The following KLF12 variants were observed in gnomAD, a reference collection of about 807,000 sequenced individuals.
KLF12 encodes the protein KLF transcription factor 12.
KLF12 carries 9 observed loss-of-function variants against 37.8 expected under a neutral mutation model. The ratio of observed to expected loss-of-function variants is 0.24; its 90% CI spans 0.14 to 0.42. The LOEUF (loss-of-function observed/expected upper bound fraction) is 0.42, where lower values mean the gene tolerates loss of function less well. Ranked by LOEUF, KLF12 falls within the 10% of genes least tolerant of loss-of-function variation. The pLI, the probability that KLF12 is intolerant of heterozygous loss-of-function variation, is 1.00. For missense variants in KLF12, 411 were observed against 516.0 expected, an observed-to-expected ratio of 0.80 and a Z score of 1.97; for synonymous variants, 208 against 202.1, an observed-to-expected ratio of 1.03 and a Z score of -0.25.
chr13:74,014,349 G>A (rs571992545), intron 1 of KLF12, among the ~76,000 whole-genome samples: 3 of 152,214 alleles, frequency 2.0e-5, no homozygotes, highest in African/African-American at 7.2e-5. Flanking sequence ...TACTGGTAAC[G>A]AATAAAACAT....
intron 6 of KLF12, among the ~76,000 whole-genome samples, chr13:73,726,033 T>C (rs1876641120): frequency 6.6e-6 from 1 of 152,002 alleles, no homozygotes; most frequent in South Asian, 2.1e-4. Context: ...CATGCCCAGC[T>C]AATTTTGTAT....
At chr13:74,040,401 C>A (rs894669761) in intron 1 of KLF12, among the ~76,000 whole-genome samples, 1 of 152,150 alleles carries the variant, frequency 6.6e-6, no homozygotes, top group Non-Finnish European at 1.5e-5. Context: ...CCACTCCTGA[C>A]GACTGACACC....
chr13:73,738,092 C>CAT (rs778759106), intron 6 of KLF12, among the ~76,000 whole-genome samples: 8,602 of 116,164 alleles, frequency 0.074, 415 homozygotes, highest in Admixed American at 0.19. Flanking sequence ...TGTATGTGTA[C>CAT]ATATATATAT....
the KLF12 span, among the ~76,000 whole-genome samples, chr13:74,177,564 T>C: frequency 6.6e-6 from 1 of 152,204 alleles, no homozygotes; most frequent in Non-Finnish European, 1.5e-5. Flanking sequence ...TAGTTTTACT[T>C]ATAAGTTATG....
chr13:74,303,907 G>A, the KLF12 span, among the ~76,000 whole-genome samples: 1 of 152,072 alleles, frequency 6.6e-6, no homozygotes, highest in Admixed American at 6.6e-5. Context: ...TAAGCAATAT[G>A]TTCCCTTTAA....
chr13:74,262,286 G>A, the KLF12 span, among the ~76,000 whole-genome samples: 1 of 152,226 alleles, frequency 6.6e-6, no homozygotes, highest in Non-Finnish European at 1.5e-5. Context: ...GCTGTAGGAG[G>A]TTGGATCAAT....
chr13:74,243,644 A>G, the KLF12 span, among the ~76,000 whole-genome samples: 1 of 152,168 alleles, frequency 6.6e-6, no homozygotes, highest in East Asian at 1.9e-4. Context: ...AATGGTCGCC[A>G]TTCTAACTGG....
At chr13:73,942,743 T>C (rs1890243322) in intron 3 of KLF12, among the ~76,000 whole-genome samples, 1 of 152,214 alleles carries the variant, frequency 6.6e-6, no homozygotes. Context: ...TGTGGAGTCA[T>C]GTTATTGGTT....
rs1311912471 is a variant in KLF12 at position 73,805,659 on chromosome 13, AGG to A, written c.806+7491_806+7492del. Among the ~76,000 whole-genome samples, 53 of 35,086 alleles carry A rather than the reference AGG, an allele frequency of 1.5e-3. 2 individuals carry two copies. The highest frequency in any genetic ancestry group is 0.012 in the Middle Eastern group (1 of 86). 23.0% of individuals were successfully genotyped at this position (35,086 alleles called of 152,430 possible). The stretch of plus-strand genomic sequence containing the variant: ...GAGGGAGGGAGGGAGGGAGGAAGGA[AGG>A]AAGGAAGGAAGGAAGGAAGGAAGGA... On this transcript the variant is annotated intron_variant, in intron 5 of 7. Coordinates refer to ENST00000377669, the MANE Select transcript of KLF12 (RefSeq NM_007249.5).
chr13:73,741,459 T>C (rs1162934631), intron 6 of KLF12, among the ~76,000 whole-genome samples: 1 of 152,198 alleles, frequency 6.6e-6, no homozygotes, highest in African/African-American at 2.4e-5. Flanking sequence ...CTTTCAGATT[T>C]ACAAAGAATT....
chr13:74,134,189 G>T (rs995844905), upstream of KLF12, among the ~76,000 whole-genome samples: 2 of 151,812 alleles, frequency 1.3e-5, no homozygotes, highest in African/African-American at 2.4e-5. Context: ...TGCTGTGAGG[G>T]GGGGGGCCGA....
At chr13:73,901,036 T>C (rs772023567) in intron 3 of KLF12, among the ~76,000 whole-genome samples, 2 of 152,196 alleles carry the variant, frequency 1.3e-5, no homozygotes, top group Non-Finnish European at 2.9e-5. Flanking sequence ...TTAAGAGAAA[T>C]AGACCTCTGT....
intron 6 of KLF12, among the ~76,000 whole-genome samples, chr13:73,741,683 C>G (rs1293425734): frequency 1.3e-5 from 2 of 152,044 alleles, no homozygotes. Context: ...GACTTCCCAT[C>G]ATGTTTATCA....
intron 3 of KLF12, among the ~76,000 whole-genome samples, chr13:73,888,637 A>G (rs1284768858): frequency 2.0e-5 from 3 of 152,226 alleles, no homozygotes; most frequent in Non-Finnish European, 2.9e-5. Flanking sequence ...AAAATAAGAA[A>G]AAGATATATG....
At chr13:73,772,410 T>G (rs7983423) in intron 5 of KLF12, among the ~76,000 whole-genome samples, 143,214 of 152,298 alleles carry the variant, frequency 0.94, 67,978 homozygotes, top group East Asian at 1. Context: ...ACAGCTGCAG[T>G]GGCAGATAAA....
At chr13:74,295,152 A>G in the KLF12 span, among the ~76,000 whole-genome samples, 1 of 152,202 alleles carries the variant, frequency 6.6e-6, no homozygotes, top group Admixed American at 6.5e-5. Flanking sequence ...CATGATTTAG[A>G]TGGAGGACTG....
chr13:73,943,817 G>A (rs1009487123), intron 3 of KLF12, among the ~76,000 whole-genome samples, 164 bp downstream of exon 3: 5 of 152,192 alleles, frequency 3.3e-5, no homozygotes, highest in Non-Finnish European at 5.9e-5. Context: ...AGTTGCAAAT[G>A]GGTACAGATC....
the KLF12 span, among the ~76,000 whole-genome samples, chr13:74,272,982 T>C: frequency 6.6e-6 from 1 of 152,152 alleles, no homozygotes; most frequent in Non-Finnish European, 1.5e-5. Flanking sequence ...AGAAACTACA[T>C]TGCTTTAAAA....
At chr13:74,156,676 C>T in the KLF12 span, among the ~76,000 whole-genome samples, 1 of 150,606 alleles carries the variant, frequency 6.6e-6, no homozygotes, top group Non-Finnish European at 1.5e-5. Context: ...TCTATGTTCA[C>T]CAATTCAATT....
Sources: allele counts gnomAD v4.1 joint callset (sites outside exome capture counted in the v4.1 genomes callset), GRCh38; gene constraint gnomAD v4.1.1; transcripts MANE v1.5; gene names NCBI Gene and HGNC (gene_info 2026-07-23, HGNC 2026-07-21).